The following JPH1 variants were observed in gnomAD, a reference collection of about 807,000 sequenced individuals.
The protein encoded by JPH1 is junctophilin 1.
A neutral mutation model predicts 53.6 loss-of-function variants in JPH1; 12 were observed. The ratio of observed to expected loss-of-function variants is 0.22; its 90% CI spans 0.14 to 0.36. The LOEUF is 0.36. Among genes scored for constraint, JPH1 ranks in the 10% least tolerant of loss-of-function variants. JPH1 has a pLI of 1.00. For synonymous variants in JPH1, 375 were observed against 363.8 expected (o/e 1.03, Z -0.35); for missense variants, 808 against 905.5 (o/e 0.89, Z 1.38).
intron 2 of JPH1, among the ~76,000 whole-genome samples, chr8:74,261,000 T>C (rs1806380462): frequency 1.3e-5 from 2 of 152,174 alleles, no homozygotes; most frequent in African/African-American, 4.8e-5. Context: ...GAATGATGCT[T>C]CCTTAGGAAA....
intron 2 of JPH1, 128 bp downstream of exon 2, chr8:74,314,733 T>C (rs1808089958): frequency 4.5e-6 from 5 of 1,104,560 alleles, no homozygotes; most frequent in Non-Finnish European, 6.6e-6. Context: ...GTAATCATTT[T>C]TCACCTTTGA....
At chr8:74,290,904 A>G (rs1563413238) in intron 2 of JPH1, among the ~76,000 whole-genome samples, 1 of 152,192 alleles carries the variant, frequency 6.6e-6, no homozygotes. Flanking sequence ...TTAATAAATG[A>G]TGCTGGAAAA....
chr8:74,319,420 T>C (rs1041893748), intron 1 of JPH1, among the ~76,000 whole-genome samples: 8 of 152,232 alleles, frequency 5.3e-5, no homozygotes, highest in African/African-American at 1.7e-4. Flanking sequence ...TTTACAGCGC[T>C]GTCAACCAGG....
chr8:74,271,873 G>T (rs1228751195), intron 2 of JPH1, among the ~76,000 whole-genome samples: 1 of 152,136 alleles, frequency 6.6e-6, no homozygotes, highest in Non-Finnish European at 1.5e-5. Context: ...CATCCTGCAG[G>T]GGCTCCCACT....
At chr8:74,237,592 G>A (rs970683566) in intron 4 of JPH1, among the ~76,000 whole-genome samples, 11 of 152,328 alleles carry the variant, frequency 7.2e-5, no homozygotes, top group Non-Finnish European at 1.2e-4. Flanking sequence ...AGCGTGTGCT[G>A]AGACACAGCT....
At chr8:74,260,847 A>G (rs1806376409) in intron 2 of JPH1, among the ~76,000 whole-genome samples, 1 of 152,204 alleles carries the variant, frequency 6.6e-6, no homozygotes, top group African/African-American at 2.4e-5. Flanking sequence ...GATCTAAGCA[A>G]GCCTGAAGGC....
chr8:74,246,820 A>G (rs965531794), intron 3 of JPH1, among the ~76,000 whole-genome samples: 8 of 152,190 alleles, frequency 5.3e-5, no homozygotes, highest in East Asian at 3.8e-4. Flanking sequence ...CACATGGACA[A>G]TTGAGACTTC....
chr8:74,296,071 A>G (rs1275681978), intron 2 of JPH1, among the ~76,000 whole-genome samples: 4 of 106,102 alleles, frequency 3.8e-5, no homozygotes, highest in African/African-American at 1.4e-4. Flanking sequence ...TAGATGAACT[A>G]TCAGAAACCC....
chr8:74,309,774 C>T (rs1365592847), intron 2 of JPH1, among the ~76,000 whole-genome samples: 1 of 152,140 alleles, frequency 6.6e-6, no homozygotes, highest in Non-Finnish European at 1.5e-5. Flanking sequence ...AAATAGAATG[C>T]AAACAACAGG....
chr8:74,244,205 C>T (rs1365348035), intron 4 of JPH1, among the ~76,000 whole-genome samples: 1 of 152,266 alleles, frequency 6.6e-6, no homozygotes, highest in African/African-American at 2.4e-5. Flanking sequence ...AATCAGAGAG[C>T]AAGCTACCAG....
chr8:74,290,978 A>T, intron 2 of JPH1, among the ~76,000 whole-genome samples: 1 of 152,184 alleles, frequency 6.6e-6, no homozygotes. Flanking sequence ...ACAAAAATTA[A>T]TTCAAGATGG....
chr8:74,309,956 G>A (rs530239270), intron 2 of JPH1, among the ~76,000 whole-genome samples: 1 of 152,198 alleles, frequency 6.6e-6, no homozygotes, highest in South Asian at 2.1e-4. Context: ...AGCATATTGG[G>A]GGATCCAATT....
rs199723269 is a variant in JPH1, at chr8:74,315,024, T to C, written c.976A>G (p.Lys326Glu). 2.5e-6 allele frequency: 4 copies of C among 1,614,246 alleles called. No individual in the cohort carries two copies. The highest frequency in any genetic ancestry group is 8.5e-7 in the Non-Finnish European group (1 of 1,180,050). Residue 326 changes from lysine (K) to glutamate (E), a missense_variant, in exon 2 of 6, where the codon AAA becomes GAA. Around this residue, in one of 2 missense-constraint regions of JPH1, gnomAD observed 756 missense variants for 811.9 expected, o/e 0.93. Transcript: ENST00000342232. This position sits in a 1 kb window ranked among gnomAD's most constrained non-coding sequence, Gnocchi z 6.3. ...YGCTVFPDGSKEEGKYKNNIL... is the reference protein window; with the variant it reads ...YGCTVFPDGSEEEGKYKNNIL... ...TTATTTTTGTATTTTCCCTCTTCTT[T>C]GGAGCCGTCAGGAAACACGGTACAG...
At chr8:74,302,410 ATTT>A (rs374359526) in intron 2 of JPH1, among the ~76,000 whole-genome samples, 2 of 152,200 alleles carry the variant, frequency 1.3e-5, no homozygotes, top group Non-Finnish European at 2.9e-5. Flanking sequence ...GGTAGAAATA[ATTT>A]TTTAAACTTT....
intron 1 of JPH1, among the ~76,000 whole-genome samples, chr8:74,319,920 G>A (rs1010860856): frequency 6.6e-6 from 1 of 152,182 alleles, no homozygotes; most frequent in African/African-American, 2.4e-5. Flanking sequence ...TTTCAATAAT[G>A]TATACTTTTC....
At position 74,315,130 on chromosome 8, in the gene JPH1, G is replaced by C; in HGVS notation, c.870C>G (p.Arg290=). The C allele has an allele frequency of 2.5e-6, 4 of 1,614,224 alleles. No homozygotes were observed. Among genetic ancestry groups the C allele is most frequent in the Non-Finnish European group, 3.4e-6 (4 of 1,180,050 alleles). ...TYMGEWKNDK[R]NGFGVSERSN... Reference sequence around the variant, plus strand: ...AGCGCTCGCTAACGCCGAAGCCGTTGCGCTTGTCGTTCTTCCACTCGCCCA... The same window carrying C: ...AGCGCTCGCTAACGCCGAAGCCGTTCCGCTTGTCGTTCTTCCACTCGCCCA... The change falls in exon 2 of 6, where the codon CGC becomes CGG. Residue 290 remains arginine, a synonymous_variant. Transcript: ENST00000342232. The surrounding 1 kb of genome is among the most constrained non-coding windows in gnomAD (Gnocchi z 6.3).
chr8:74,298,277 T>A (rs945785925), intron 2 of JPH1, among the ~76,000 whole-genome samples: 1 of 152,240 alleles, frequency 6.6e-6, no homozygotes, highest in East Asian at 1.9e-4. Context: ...TCTTAGCTAA[T>A]TGTACTCACA....
At chr8:74,239,198 G>C (rs1282521136) in intron 4 of JPH1, among the ~76,000 whole-genome samples, 1 of 149,136 alleles carries the variant, frequency 6.7e-6, no homozygotes, top group African/African-American at 2.5e-5. Flanking sequence ...TTTTTTTTTT[G>C]TTTATTCTTC....
chr8:74,293,421 T>C (rs1236223776), intron 2 of JPH1, among the ~76,000 whole-genome samples: 1 of 152,138 alleles, frequency 6.6e-6, no homozygotes, highest in Admixed American at 6.5e-5. Flanking sequence ...ATTCTAACCC[T>C]GTGAGGAGGT....
Sources: gnomAD v4.1 joint callset for allele counts (sites outside exome capture counted in the v4.1 genomes callset) on GRCh38, gnomAD v4.1.1 for gene constraint, gnomAD v4.1.1 regional missense constraint, Gnocchi (gnomAD v3.1) non-coding constraint, MANE v1.5 for transcripts, NCBI Gene and HGNC (gene_info 2026-07-23, HGNC 2026-07-21) for gene names.